DCAF7: variants seen among roughly 807,000 people sequenced by gnomAD.
The protein encoded by DCAF7 is DDB1 and CUL4 associated factor 7, also known as DDB1- and CUL4-associated factor 7.
Under a neutral mutation model 41.2 loss-of-function variants are expected in DCAF7, and 4 were observed. That is an observed-to-expected ratio of 0.10 (90% CI 0.05 to 0.22). The LOEUF is 0.22. Among genes scored for constraint, DCAF7 ranks in the 10% least tolerant of loss-of-function variants. The probability of loss-of-function intolerance (pLI) is 1.00; values close to 1 mark genes in which losing one functional copy is unlikely to be tolerated. For missense variants in DCAF7, 131 were observed against 443.2 expected (o/e 0.30, Z 6.32); for synonymous variants, 143 against 164.2 (o/e 0.87, Z 0.99).
intron 4 of DCAF7, among the ~76,000 whole-genome samples, chr17:63,580,588 G>T (rs1248831043): frequency 6.9e-6 from 1 of 145,478 alleles, no homozygotes; most frequent in African/African-American, 2.6e-5. Context: ...GCGCAATCTG[G>T]GCTCACTGCA....
At chr17:63,564,725 T>C (rs984818674) in intron 1 of DCAF7, among the ~76,000 whole-genome samples, 11 of 152,196 alleles carry the variant, frequency 7.2e-5, no homozygotes, top group Admixed American at 4.6e-4. Flanking sequence ...GGGACATGTC[T>C]GACTGTAGAG....
rs139561586 is a variant in DCAF7 at position 63,562,005 on chromosome 17, A to G, written c.138+11190A>G. Among the ~76,000 whole-genome samples, 1,003 of 133,790 alleles carry G rather than the reference A, an allele frequency of 7.5e-3. 13 individuals are homozygous for G. The highest frequency in any genetic ancestry group is 0.028 in the African/African-American group (933 of 33,266). 87.8% of individuals were successfully genotyped at this position (133,790 alleles called of 152,430 possible). ...GAGTGTTCAGAATAAATGTATGTCAATGTCCAAAAAAAAAAAAAAAAAACT... is the reference window on the plus strand; with the variant it reads ...GAGTGTTCAGAATAAATGTATGTCAGTGTCCAAAAAAAAAAAAAAAAAACT... On this transcript the variant is annotated intron_variant, in intron 1 of 6. Transcript: ENST00000614556.
chr17:63,585,569 G>A (rs936561658), intron 6 of DCAF7, among the ~76,000 whole-genome samples: 19 of 152,216 alleles, frequency 1.2e-4, no homozygotes, highest in African/African-American at 4.3e-4. Flanking sequence ...CAGTTATAGG[G>A]CTGTGCCTTG....
At chr17:63,579,197 G>C (rs576707219) in intron 2 of DCAF7, 140 bp from the exon 3 acceptor site, 2 of 611,828 alleles carry the variant, frequency 3.3e-6, no homozygotes, top group Non-Finnish European at 5.7e-6. Context: ...AGGGAGTCCT[G>C]GGTTTATTAC....
Position 63,590,492 on chromosome 17 carries a change from C to G in DCAF7, c.*1320C>G, listed in dbSNP as rs1390766492. The G allele has an allele frequency of 3.3e-5, 5 of 152,718 alleles. No homozygotes were observed. Among genetic ancestry groups the G allele is most frequent in the Non-Finnish European group, 7.3e-5 (5 of 68,120 alleles). The allele number at this position is 152,718 out of a possible 1,614,324, so 9.5% of individuals were successfully genotyped here. A position where few individuals can be genotyped will look rare whatever the true frequency, so the allele number is the denominator to read the frequency against. The stretch of plus-strand genomic sequence containing the variant: ...CCACACCTGTCAACCCCTCTCTCCC[C>G]CAGTTTAGGTTCTGAGCAGTATTGG... On this transcript the variant is annotated 3_prime_UTR_variant, in exon 7 of 7. Transcript: ENST00000614556.
At chr17:63,556,426 AG>A (rs1448357599) in intron 1 of DCAF7, among the ~76,000 whole-genome samples, 1 of 152,126 alleles carries the variant, frequency 6.6e-6, no homozygotes, top group Non-Finnish European at 1.5e-5. Context: ...AAAATTAGCC[AG>A]ACATGGTGGC....
intron 1 of DCAF7, among the ~76,000 whole-genome samples, chr17:63,574,316 AAAT>A (rs1381612813): frequency 6.6e-6 from 1 of 152,208 alleles, no homozygotes; most frequent in Admixed American, 6.5e-5. Flanking sequence ...TCTGTGTCAT[AAAT>A]AAGAAGCCAA....
intron 1 of DCAF7, among the ~76,000 whole-genome samples, chr17:63,562,165 T>C (rs1434783540): frequency 3.3e-5 from 5 of 152,190 alleles, no homozygotes; most frequent in African/African-American, 1.2e-4. Context: ...TTAGTATATA[T>C]AAATGTGAAA....
intron 1 of DCAF7, among the ~76,000 whole-genome samples, chr17:63,569,261 C>T (rs186319184): frequency 6.6e-6 from 1 of 151,982 alleles, no homozygotes; most frequent in Non-Finnish European, 1.5e-5. Context: ...ATAGTGGGGT[C>T]TTGGCCTAGG....
At chr17:63,556,159 A>G (rs2033308613) in intron 1 of DCAF7, among the ~76,000 whole-genome samples, 1 of 152,234 alleles carries the variant, frequency 6.6e-6, no homozygotes, top group Non-Finnish European at 1.5e-5. Flanking sequence ...CAATTGTGGG[A>G]AAATGTTCCA....
intron 1 of DCAF7, among the ~76,000 whole-genome samples, chr17:63,570,588 G>A (rs914453737): frequency 1.3e-5 from 2 of 152,152 alleles, no homozygotes; most frequent in African/African-American, 2.4e-5. Context: ...ACAGGCATTT[G>A]CATAGTTAGG....
chr17:63,578,385 AAAAC>A (rs1204814546), intron 1 of DCAF7, 81 bp from the exon 2 acceptor site: 1 of 1,571,870 alleles, frequency 6.4e-7, no homozygotes, highest in Non-Finnish European at 8.6e-7. Flanking sequence ...ACAAACAAAA[AAAAC>A]CTCTGTCACT....
intron 1 of DCAF7, among the ~76,000 whole-genome samples, chr17:63,556,986 C>T (rs2147758376): frequency 6.6e-6 from 1 of 152,186 alleles, no homozygotes; most frequent in South Asian, 2.1e-4. Flanking sequence ...CAAGATCTTG[C>T]CACTGAACTC....
intron 6 of DCAF7, among the ~76,000 whole-genome samples, chr17:63,588,137 A>G (rs981743383): frequency 4.3e-4 from 65 of 149,980 alleles, no homozygotes; most frequent in African/African-American, 1.6e-3. Context: ...GTGCTTTTAT[A>G]TATTTAAAGT....
intron 1 of DCAF7, among the ~76,000 whole-genome samples, chr17:63,560,747 A>G (rs1263526537): frequency 3.3e-5 from 5 of 152,230 alleles, no homozygotes; most frequent in African/African-American, 7.2e-5. Flanking sequence ...TAAAAAAGCT[A>G]ACATTAATAA....
intron 1 of DCAF7, among the ~76,000 whole-genome samples, chr17:63,578,191 T>C (rs1184164592): frequency 6.6e-6 from 1 of 151,970 alleles, no homozygotes; most frequent in Non-Finnish European, 1.5e-5. Context: ...TGTGAGGCCT[T>C]GTCTCTACAA....
intron 1 of DCAF7, among the ~76,000 whole-genome samples, chr17:63,557,712 A>G (rs2033325419): frequency 6.6e-6 from 1 of 152,216 alleles, no homozygotes; most frequent in Admixed American, 6.5e-5. Flanking sequence ...ATATATGGTT[A>G]AAGAAGAACT....
At chr17:63,567,348 C>T (rs1164739883) in intron 1 of DCAF7, among the ~76,000 whole-genome samples, 10 of 151,906 alleles carry the variant, frequency 6.6e-5, no homozygotes. Flanking sequence ...ATTGTAATTC[C>T]TCTCAATATT....
In DCAF7 at chr17:63,590,637, A is replaced by T. The variant is rs979813012; in HGVS notation, c.*1465A>T. The T allele has an allele frequency of 6.5e-6, 1 of 152,700 alleles. No homozygotes were observed. Among genetic ancestry groups the T allele is most frequent in the African/African-American group, 2.4e-5 (1 of 41,434 alleles). The allele number at this position is 152,700 out of a possible 1,614,324, so 9.5% of individuals were successfully genotyped here. On this transcript the variant is annotated 3_prime_UTR_variant, in exon 7 of 7. Coordinates refer to ENST00000614556, the MANE Select transcript of DCAF7 (RefSeq NM_005828.5). ...CGTTAGATGAGCCCTTGGGGCAGGC[A>T]GTTTGGGATGTGCTCTTGGGGGAAA... is the stretch of plus-strand genomic sequence containing the variant.
Sources: gnomAD v4.1 joint callset for allele counts (sites outside exome capture counted in the v4.1 genomes callset) on GRCh38, gnomAD v4.1.1 for gene constraint, MANE v1.5 for transcripts, NCBI Gene and HGNC (gene_info 2026-07-23, HGNC 2026-07-21) for gene names.